Variants in SLC24A3 observed in about 807,000 individuals in gnomAD.
SLC24A3 encodes the protein solute carrier family 24 member 3.
A neutral mutation model predicts 75.8 loss-of-function variants in SLC24A3; 28 were observed. That is an observed-to-expected ratio of 0.37 (90% CI 0.27 to 0.51). SLC24A3 has a LOEUF of 0.51. SLC24A3 is among the 20% of genes least tolerant of loss of function. The probability of loss-of-function intolerance (pLI) is 0.94; values close to 1 mark genes in which losing one functional copy is unlikely to be tolerated. For missense variants in SLC24A3, 663 were observed against 847.8 expected, an observed-to-expected ratio of 0.78 and a Z score of 2.71; for synonymous variants, 372 against 334.1, an observed-to-expected ratio of 1.11 and a Z score of -1.24.
At chr20:19,605,243 G>A (rs942989) in intron 6 of SLC24A3, among the ~76,000 whole-genome samples, 139,838 of 152,160 alleles carry the variant, frequency 0.92, 64,931 homozygotes, top group Non-Finnish European at 0.98. Flanking sequence ...ATTTACTTAA[G>A]GCTCCATCAT....
chr20:19,241,410 C>A (rs1308929109), intron 1 of SLC24A3, among the ~76,000 whole-genome samples: 1 of 152,186 alleles, frequency 6.6e-6, no homozygotes, highest in Non-Finnish European at 1.5e-5. Context: ...GGCATCTCCT[C>A]TCAGGCCGGG....
intron 3 of SLC24A3, among the ~76,000 whole-genome samples, chr20:19,521,673 G>C (rs1203722057): frequency 6.6e-6 from 1 of 152,192 alleles, no homozygotes; most frequent in East Asian, 1.9e-4. Context: ...ATTTCCTGGG[G>C]CCTGAGGTTC....
chr20:19,260,979 G>A (rs899222188), intron 1 of SLC24A3, among the ~76,000 whole-genome samples: 1 of 152,216 alleles, frequency 6.6e-6, no homozygotes, highest in Non-Finnish European at 1.5e-5. Context: ...AATCAGGGTT[G>A]CCTTGGAAGC....
rs980183823 is a variant in SLC24A3 at position 19,722,317 on chromosome 20, C to T, written c.*1177C>T. 4 of 152,918 alleles carry T rather than the reference C, an allele frequency of 2.6e-5. No individual in the cohort carries two copies. The highest frequency in any genetic ancestry group is 5.9e-5 in the Non-Finnish European group (4 of 68,134). 9.5% of individuals were successfully genotyped at this position (152,918 alleles called of 1,614,324 possible). On this transcript the variant is annotated 3_prime_UTR_variant, in exon 17 of 17. Transcript: ENST00000328041. ...AAACGTCCTTCCTCACGGGGCGCCT[C>T]CGCCAAGCCGGCCCAGCTGCACCCC...
chr20:19,430,389 A>C (rs1406442609), intron 2 of SLC24A3, among the ~76,000 whole-genome samples: 1 of 152,152 alleles, frequency 6.6e-6, no homozygotes, highest in African/African-American at 2.4e-5. Flanking sequence ...TGCCAAAAGA[A>C]AGAAAATAAA....
intron 2 of SLC24A3, among the ~76,000 whole-genome samples, chr20:19,422,249 C>T (rs1168953765): frequency 6.6e-6 from 1 of 152,186 alleles, no homozygotes; most frequent in Admixed American, 6.5e-5. Flanking sequence ...GGCCACAGTG[C>T]TGTGCTTGTA....
intron 3 of SLC24A3, among the ~76,000 whole-genome samples, chr20:19,560,241 G>A (rs778091554): frequency 3.9e-5 from 6 of 152,118 alleles, no homozygotes; most frequent in Non-Finnish European, 8.8e-5. Context: ...TCGATCCTGC[G>A]GAAGAGTCTC....
intron 6 of SLC24A3, among the ~76,000 whole-genome samples, chr20:19,623,028 C>T (rs1432773731): frequency 1.3e-5 from 2 of 152,184 alleles, no homozygotes; most frequent in African/African-American, 4.8e-5. Flanking sequence ...ACCCAAACAC[C>T]TCCCACTTGG....
At chr20:19,235,688 C>T (rs1385603509) in intron 1 of SLC24A3, among the ~76,000 whole-genome samples, 1 of 152,192 alleles carries the variant, frequency 6.6e-6, no homozygotes, top group Non-Finnish European at 1.5e-5. Context: ...CCCCTTCCTC[C>T]TGACTGTTCC....
At chr20:19,670,977 G>T (rs1296838555) in intron 8 of SLC24A3, among the ~76,000 whole-genome samples, 1 of 152,182 alleles carries the variant, frequency 6.6e-6, no homozygotes, top group Admixed American at 6.5e-5. Flanking sequence ...GTGAGGAGTG[G>T]TGTCAAGTGA....
At chr20:19,370,252 C>CATTTCCTTTT (rs1985968931) in intron 2 of SLC24A3, among the ~76,000 whole-genome samples, 1 of 152,236 alleles carries the variant, frequency 6.6e-6, no homozygotes, top group African/African-American at 2.4e-5. Flanking sequence ...TCACTACTTT[C>CATTTCCTTTT]TGCTCACACA....
intron 14 of SLC24A3, among the ~76,000 whole-genome samples, chr20:19,698,245 C>G (rs6046261): frequency 0.76 from 115,865 of 152,150 alleles, 45,254 homozygotes; most frequent in Non-Finnish European, 0.86. Context: ...CCCGCCAAGC[C>G]TCACCTCCAA....
At chr20:19,268,967 A>T (rs1600402329) in intron 1 of SLC24A3, among the ~76,000 whole-genome samples, 1 of 152,176 alleles carries the variant, frequency 6.6e-6, no homozygotes, top group African/African-American at 2.4e-5. Flanking sequence ...AGGCCATTGC[A>T]CTTTCCTTTG....
chr20:19,361,048 C>G (rs948529433), intron 2 of SLC24A3, among the ~76,000 whole-genome samples: 1 of 152,136 alleles, frequency 6.6e-6, no homozygotes, highest in South Asian at 2.1e-4. Context: ...AGGATGGTCT[C>G]GATCTCCTGA....
intron 2 of SLC24A3, among the ~76,000 whole-genome samples, chr20:19,456,086 T>C (rs950978063): frequency 6.6e-6 from 1 of 151,378 alleles, no homozygotes; most frequent in Non-Finnish European, 1.5e-5. Flanking sequence ...ATGTTTGCCC[T>C]TTTTTTTTCC....
At chr20:19,688,490 G>A (rs1212937083) in intron 12 of SLC24A3, among the ~76,000 whole-genome samples, 1 of 152,258 alleles carries the variant, frequency 6.6e-6, no homozygotes, top group Non-Finnish European at 1.5e-5. Context: ...CCCGCTTCCT[G>A]GGGCAGGCAG....
At chr20:19,615,467 T>G (rs528757535) in intron 6 of SLC24A3, among the ~76,000 whole-genome samples, 4 of 152,224 alleles carry the variant, frequency 2.6e-5, no homozygotes, top group African/African-American at 9.6e-5. Context: ...AAGCTTACAA[T>G]GGTGACGGAA....
chr20:19,713,024 G>T lies in SLC24A3; in HGVS notation c.1720-4504G>T, dbSNP rs539499242. 5.3e-5 allele frequency among the ~76,000 whole-genome samples: 8 copies of T among 152,358 alleles called. No homozygotes were observed. The South Asian group carries it at 1.7e-3, about 32-fold the overall frequency. On this transcript the variant is annotated intron_variant, in intron 15 of 16. Coordinates refer to ENST00000328041, the MANE Select transcript of SLC24A3 (RefSeq NM_020689.4). Reference sequence around the variant, plus strand: ...GACAGAAGTGTTCTGAGCCATGGTAGAGTTTGAGTTACATGGGTGTATGCA... The same window carrying T: ...GACAGAAGTGTTCTGAGCCATGGTATAGTTTGAGTTACATGGGTGTATGCA...
chr20:19,505,332 A>T (rs1988446766), intron 2 of SLC24A3, among the ~76,000 whole-genome samples: 1 of 152,228 alleles, frequency 6.6e-6, no homozygotes, highest in African/African-American at 2.4e-5. Flanking sequence ...TCCACCGCAA[A>T]TTGTCCATAC....
Sources: allele counts gnomAD v4.1 joint callset (sites outside exome capture counted in the v4.1 genomes callset), GRCh38; gene constraint gnomAD v4.1.1; transcripts MANE v1.5; gene names NCBI Gene and HGNC (gene_info 2026-07-23, HGNC 2026-07-21).